STPG2: variants seen among roughly 807,000 people sequenced by gnomAD.
STPG2 encodes the protein sperm tail PG-rich repeat containing 2, also known as sperm-tail PG-rich repeat-containing protein 2.
A neutral mutation model predicts 54.2 loss-of-function variants in STPG2; 56 were observed. The ratio of observed to expected loss-of-function variants is 1.03; its 90% CI spans 0.83 to 1.29. STPG2 has a LOEUF of 1.29. Among genes scored for constraint, STPG2 ranks in the 50% most tolerant of loss-of-function variants. The pLI, the probability that STPG2 is intolerant of heterozygous loss-of-function variation, is 0.00. For missense variants in STPG2, 596 were observed against 544.9 expected (o/e 1.09, Z -0.93); for synonymous variants, 200 against 181.8 (o/e 1.10, Z -0.81).
intron 9 of STPG2, among the ~76,000 whole-genome samples, chr4:97,738,601 A>G (rs1272426950): frequency 6.6e-6 from 1 of 152,246 alleles, no homozygotes; most frequent in African/African-American, 2.4e-5. Context: ...AACAAAGATC[A>G]AAAGAGACAA....
At chr4:97,892,171 A>G (rs1418737262) in intron 8 of STPG2, among the ~76,000 whole-genome samples, 1 of 152,160 alleles carries the variant, frequency 6.6e-6, no homozygotes, top group Non-Finnish European at 1.5e-5. Context: ...GACAAAAGCA[A>G]GTTCAAGCTC....
chr4:97,538,989 T>C (rs1355554326), intron 4 of STPG2, among the ~76,000 whole-genome samples: 1 of 152,132 alleles, frequency 6.6e-6, no homozygotes, highest in African/African-American at 2.4e-5. Flanking sequence ...GATAAGCAAA[T>C]GCTGAGAGAT....
At chr4:98,130,653 T>A (rs1439497695) in intron 2 of STPG2, among the ~76,000 whole-genome samples, 1 of 151,788 alleles carries the variant, frequency 6.6e-6, no homozygotes, top group African/African-American at 2.4e-5. Context: ...CCAGGCGCAG[T>A]GGCTCACACC....
chr4:97,583,509 C>T (rs1171531190), intron 10 of STPG2, among the ~76,000 whole-genome samples: 1 of 151,520 alleles, frequency 6.6e-6, no homozygotes, highest in African/African-American at 2.4e-5. Context: ...CATGAACTGA[C>T]AGAAAAACAT....
chr4:97,971,537 C>G (rs117734471), intron 7 of STPG2, among the ~76,000 whole-genome samples: 5 of 152,064 alleles, frequency 3.3e-5, no homozygotes, highest in Admixed American at 3.3e-4. Flanking sequence ...TCTCAGCAAA[C>G]TAACACAAGG....
intron 5 of STPG2, among the ~76,000 whole-genome samples, chr4:98,067,451 T>C (rs1397432252): frequency 6.6e-6 from 1 of 152,188 alleles, no homozygotes; most frequent in African/African-American, 2.4e-5. Flanking sequence ...TGATTTAACC[T>C]TTTGAACAGT....
intron 5 of STPG2, among the ~76,000 whole-genome samples, chr4:98,002,340 C>T (rs538206695): frequency 6.6e-6 from 1 of 152,064 alleles, no homozygotes; most frequent in African/African-American, 2.4e-5. Context: ...TTTGTCTTTG[C>T]AATTCTCATT....
intron 2 of STPG2, among the ~76,000 whole-genome samples, chr4:98,131,164 T>A (rs1023019128): frequency 2.0e-5 from 3 of 152,118 alleles, no homozygotes; most frequent in African/African-American, 7.2e-5. Flanking sequence ...CCATTCTTTT[T>A]AACTACTCGG....
At chr4:97,545,501 TG>T (rs1349481472) in intron 4 of STPG2, among the ~76,000 whole-genome samples, 1 of 152,026 alleles carries the variant, frequency 6.6e-6, no homozygotes, top group East Asian at 1.9e-4. Context: ...TCAACCCCCC[TG>T]GTGATGGCCC....
chr4:97,763,321 C>T (rs752899564), intron 9 of STPG2, among the ~76,000 whole-genome samples: 1 of 152,038 alleles, frequency 6.6e-6, no homozygotes, highest in Non-Finnish European at 1.5e-5. Context: ...AACCTTGCAC[C>T]TTGGATTCTA....
chr4:97,616,905 G>A (rs1210243790), intron 10 of STPG2, among the ~76,000 whole-genome samples: 1 of 152,044 alleles, frequency 6.6e-6, no homozygotes, highest in Non-Finnish European at 1.5e-5. Context: ...CAGGAAGAAA[G>A]GGGGCATATT....
intron 6 of STPG2, among the ~76,000 whole-genome samples, chr4:97,972,660 C>G (rs1734373684): frequency 6.6e-6 from 1 of 152,174 alleles, no homozygotes; most frequent in Non-Finnish European, 1.5e-5. Context: ...CCACCCAAAT[C>G]TCAGCTTGAA....
At chr4:97,830,460 C>T (rs112254455) in intron 9 of STPG2, among the ~76,000 whole-genome samples, 1,860 of 152,208 alleles carry the variant, frequency 0.012, 35 homozygotes, top group African/African-American at 0.043. Context: ...GAAGAAACTG[C>T]ACCAACTAAG....
chr4:97,580,476 G>T (rs1379578654), intron 10 of STPG2, among the ~76,000 whole-genome samples: 1 of 151,762 alleles, frequency 6.6e-6, no homozygotes, highest in Admixed American at 6.6e-5. Context: ...AATCATGAAT[G>T]GTTTCCTACA....
intron 5 of STPG2, among the ~76,000 whole-genome samples, chr4:98,097,334 A>G (rs1738891043): frequency 6.6e-6 from 1 of 152,222 alleles, no homozygotes; most frequent in African/African-American, 2.4e-5. Context: ...TATGCAAATC[A>G]ATGCATGTGA....
intron 9 of STPG2, among the ~76,000 whole-genome samples, chr4:97,723,891 C>T (rs1379994810): frequency 6.6e-6 from 1 of 152,170 alleles, no homozygotes; most frequent in Non-Finnish European, 1.5e-5. Context: ...ATGATCCAAT[C>T]ACCTCCAACC....
At chr4:97,878,476 C>T (rs971240123) in intron 8 of STPG2, among the ~76,000 whole-genome samples, 1 of 151,792 alleles carries the variant, frequency 6.6e-6, no homozygotes, top group Non-Finnish European at 1.5e-5. Flanking sequence ...ATTCTTGCCC[C>T]TTTTGTGCAA....
chr4:97,620,461 T>C (rs766113861), intron 10 of STPG2, among the ~76,000 whole-genome samples: 3 of 152,190 alleles, frequency 2.0e-5, no homozygotes, highest in Non-Finnish European at 4.4e-5. Flanking sequence ...AGTTTGAGAC[T>C]TGAAGAATGT....
chr4:97,892,232 C>T (rs750571848), intron 8 of STPG2, among the ~76,000 whole-genome samples: 1 of 152,032 alleles, frequency 6.6e-6, no homozygotes, highest in African/African-American at 2.4e-5. Flanking sequence ...ACTCTTAGAA[C>T]AATAAGTCCA....
Sources: gnomAD v4.1 joint callset for allele counts (sites outside exome capture counted in the v4.1 genomes callset) on GRCh38, gnomAD v4.1.1 for gene constraint, MANE v1.5 for transcripts, NCBI Gene and HGNC (gene_info 2026-07-23, HGNC 2026-07-21) for gene names.